The following SYT2 variants were observed in gnomAD, a reference collection of about 807,000 sequenced individuals.
SYT2 encodes the protein synaptotagmin 2, also known as synaptotagmin-2.
SYT2 carries 15 observed loss-of-function variants against 39.9 expected under a neutral mutation model. The ratio of observed to expected loss-of-function variants is 0.38; its 90% CI spans 0.25 to 0.58. The LOEUF (loss-of-function observed/expected upper bound fraction) is 0.58. Among genes scored for constraint, SYT2 ranks in the 20% least tolerant of loss-of-function variants. The probability of loss-of-function intolerance (pLI) is 0.70; values close to 1 mark genes in which losing one functional copy is unlikely to be tolerated. For synonymous variants in SYT2, 181 were observed against 204.5 expected (o/e 0.89, Z 0.98); for missense variants, 389 against 530.3 (o/e 0.73, Z 2.62).
chr1:202,665,443 A>T (rs1475393673), intron 1 of SYT2, among the ~76,000 whole-genome samples: 1 of 152,250 alleles, frequency 6.6e-6, no homozygotes, highest in Non-Finnish European at 1.5e-5. Flanking sequence ...TCACAGAGAC[A>T]GGCAGATGAA....
chr1:202,603,230 C>T, intron 3 of SYT2, 112 bp from the exon 4 acceptor site: 1 of 1,428,052 alleles, frequency 7.0e-7, no homozygotes, highest in Non-Finnish European at 9.5e-7. Context: ...TGACTCAGAG[C>T]TGTGTGTGGT....
At chr1:202,685,241 T>C (rs1653632473) in intron 1 of SYT2, among the ~76,000 whole-genome samples, 1 of 152,112 alleles carries the variant, frequency 6.6e-6, no homozygotes, top group Admixed American at 6.5e-5. Flanking sequence ...TACAGTTCAG[T>C]TATAGGTTAA....
chr1:202,623,317 G>T lies in SYT2; in HGVS notation c.-17-17528C>A, dbSNP rs532355172. 6.6e-6 allele frequency among the ~76,000 whole-genome samples: 1 copy of T among 152,328 alleles called. No individual in the cohort carries two copies. The highest frequency in any genetic ancestry group is 2.1e-4 in the South Asian group (1 of 4,824). ...GAAGCTGCTGAGTCACAGTCCAGCC[G>T]CCTGGCCAGCCCTGAGCTGCCTGCT... On this transcript the variant is annotated intron_variant, in intron 1 of 8. Transcript: ENST00000367268. The surrounding 1 kb of genome is among the most constrained non-coding windows in gnomAD (Gnocchi z 4.2).
At chr1:202,658,098 T>A (rs1186272540) in intron 1 of SYT2, among the ~76,000 whole-genome samples, 1 of 152,122 alleles carries the variant, frequency 6.6e-6, no homozygotes, top group Non-Finnish European at 1.5e-5. Context: ...CTCAGGTTCC[T>A]TATTAATAAA....
chr1:202,708,557 G>C lies in SYT2; in HGVS notation c.-18+1701C>G, dbSNP rs567041523. 7.9e-5 allele frequency among the ~76,000 whole-genome samples: 12 copies of C among 152,204 alleles called. No individual in the cohort carries two copies. In the South Asian group the frequency reaches 2.5e-3, roughly 32 times the overall value. The stretch of plus-strand genomic sequence containing the variant: ...CTGAGGGAAAGGTGGTTCAGTCGGG[G>C]TTCAGTGGGCACTGGCCATTTTCCA... On this transcript the variant is annotated intron_variant, in intron 1 of 8. Coordinates refer to ENST00000367268, the MANE Select transcript of SYT2 (RefSeq NM_177402.5).
intron 1 of SYT2, among the ~76,000 whole-genome samples, chr1:202,652,242 A>G (rs1342354081): frequency 6.6e-6 from 1 of 152,154 alleles, no homozygotes; most frequent in Non-Finnish European, 1.5e-5. Context: ...GTGGCATCTG[A>G]GGATGGCTCC....
At chr1:202,688,518 T>C (rs1335649449) in intron 1 of SYT2, among the ~76,000 whole-genome samples, 1 of 152,190 alleles carries the variant, frequency 6.6e-6, no homozygotes, top group Admixed American at 6.5e-5. Flanking sequence ...ATGTGTCAAG[T>C]TGGAGATGAG....
chr1:202,667,820 C>A (rs191105306), intron 1 of SYT2, among the ~76,000 whole-genome samples: 1 of 152,060 alleles, frequency 6.6e-6, no homozygotes, highest in Admixed American at 6.6e-5. Flanking sequence ...TCAAGCGATT[C>A]TCCTGCCTCA....
At chr1:202,657,990 A>T (rs1053037961) in intron 1 of SYT2, among the ~76,000 whole-genome samples, 1 of 152,162 alleles carries the variant, frequency 6.6e-6, no homozygotes, top group Non-Finnish European at 1.5e-5. Context: ...AGCATGTTTC[A>T]AAGCACTTTC....
At chr1:202,683,627 G>A (rs1653581287) in intron 1 of SYT2, among the ~76,000 whole-genome samples, 1 of 151,922 alleles carries the variant, frequency 6.6e-6, no homozygotes. Flanking sequence ...TGTGGTCCCA[G>A]CTACTTGGGA....
At chr1:202,685,884 C>T (rs1178793452) in intron 1 of SYT2, among the ~76,000 whole-genome samples, 2 of 152,062 alleles carry the variant, frequency 1.3e-5, no homozygotes, top group African/African-American at 4.8e-5. Context: ...ATGAGATCAT[C>T]CGGACACAGT....
chr1:202,599,114 A>G lies in SYT2; in HGVS notation c.1053+104T>C. On this transcript the variant is annotated intron_variant, in intron 8 of 8. Coordinates refer to ENST00000367268, the MANE Select transcript of SYT2 (RefSeq NM_177402.5). The surrounding 1 kb of genome is among the most constrained non-coding windows in gnomAD (Gnocchi z 4.4). ...ACCTCGAGCCTTCCCCTACCAAGAA[A>G]GGCTGTTCCATGGTCTCTAGGTGAG... 2 of 1,486,492 alleles carry G rather than the reference A, an allele frequency of 1.3e-6. No homozygotes were observed. Among genetic ancestry groups the G allele is most frequent in the South Asian group, 2.7e-5 (2 of 75,356 alleles). 92.1% of individuals were successfully genotyped at this position (1,486,492 alleles called of 1,614,324 possible).
At chr1:202,637,648 T>C (rs1222287547) in intron 1 of SYT2, among the ~76,000 whole-genome samples, 2 of 152,210 alleles carry the variant, frequency 1.3e-5, no homozygotes, top group Non-Finnish European at 2.9e-5. Context: ...TTTGAGAGAC[T>C]CTCCTGCCGG....
intron 1 of SYT2, among the ~76,000 whole-genome samples, chr1:202,616,421 C>T (rs757839664): frequency 1.3e-4 from 20 of 152,128 alleles, no homozygotes; most frequent in South Asian, 6.2e-4. Context: ...TCACATCACC[C>T]ACCAAAAATG....
intron 1 of SYT2, among the ~76,000 whole-genome samples, chr1:202,703,383 A>T (rs1654169420): frequency 6.6e-6 from 1 of 152,100 alleles, no homozygotes; most frequent in Non-Finnish European, 1.5e-5. Flanking sequence ...GGAGTGAGGA[A>T]GGGAGTAAAA....
At chr1:202,635,844 C>T (rs1323749224) in intron 1 of SYT2, among the ~76,000 whole-genome samples, 1 of 152,194 alleles carries the variant, frequency 6.6e-6, no homozygotes, top group Non-Finnish European at 1.5e-5. Context: ...ATCAGGTTGG[C>T]TCTCCCTCCC....
rs577489888 is a variant in SYT2, at chr1:202,668,778, C to A, written c.-18+41480G>T. On this transcript the variant is annotated intron_variant, in intron 1 of 8. Coordinates refer to ENST00000367268, the MANE Select transcript of SYT2 (RefSeq NM_177402.5). Reference sequence around the variant, plus strand: ...GATTTGGGCTTGAATCTGTCTGACTCCAAGGCCCAACCACCACTCCATAAG... The same window carrying A: ...GATTTGGGCTTGAATCTGTCTGACTACAAGGCCCAACCACCACTCCATAAG... Among the ~76,000 whole-genome samples, 95 of 152,306 alleles carry A rather than the reference C, an allele frequency of 6.2e-4. 1 individual carries two copies. The highest frequency in any genetic ancestry group is 5.9e-4 in the Admixed American group (9 of 15,306).
intron 3 of SYT2, among the ~76,000 whole-genome samples, chr1:202,603,431 G>A (rs1690589756): frequency 6.6e-6 from 1 of 152,170 alleles, no homozygotes; most frequent in South Asian, 2.1e-4. Flanking sequence ...GCTTCTAGGG[G>A]CTGGTGTGGG....
rs553634335 is a variant in SYT2 at position 202,601,142 on chromosome 1, T to C, written c.802-668A>G. Among the ~76,000 whole-genome samples the C allele has an allele frequency of 6.6e-6, 1 of 152,336 alleles. No individual in the cohort carries two copies. The highest frequency in any genetic ancestry group is 2.1e-4 in the South Asian group (1 of 4,826). On this transcript the variant is annotated intron_variant, in intron 6 of 8. Coordinates refer to ENST00000367268, the MANE Select transcript of SYT2 (RefSeq NM_177402.5). This position sits in a 1 kb window ranked among gnomAD's most constrained non-coding sequence, Gnocchi z 4.0. ...CAACAATTTAGCACTGTAGGCAGGC[T>C]GAGGACCCAGGGCTCCTAATTCCTA...
Sources: gnomAD v4.1 joint callset for allele counts (sites outside exome capture counted in the v4.1 genomes callset) on GRCh38, gnomAD v4.1.1 for gene constraint, Gnocchi (gnomAD v3.1) non-coding constraint, MANE v1.5 for transcripts, NCBI Gene and HGNC (gene_info 2026-07-23, HGNC 2026-07-21) for gene names.